The following CD163L1 variants were observed in gnomAD, a reference collection of about 807,000 sequenced individuals.
CD163L1 encodes the protein scavenger receptor cysteine-rich type 1 protein M160.
A neutral mutation model predicts 165.4 loss-of-function variants in CD163L1; 124 were observed. The observed-to-expected ratio is 0.75, with a 90% CI of 0.65 to 0.87. The LOEUF is 0.87. Among genes scored for constraint, CD163L1 ranks in the 40% least tolerant of loss-of-function variants. The pLI is 0.00. For synonymous variants in CD163L1, 585 were observed against 662.2 expected, an observed-to-expected ratio of 0.88 and a Z score of 1.79; for missense variants, 1,525 against 1,799.9, an observed-to-expected ratio of 0.85 and a Z score of 2.76.
At chr12:7,389,238 C>T (rs1272165062) in intron 8 of CD163L1, among the ~76,000 whole-genome samples, 15 of 152,214 alleles carry the variant, frequency 9.9e-5, no homozygotes. Context: ...TTCAAGGGTT[C>T]CCTTTTCTCC....
chr12:7,429,751 C>T (rs1948598982), intron 4 of CD163L1, among the ~76,000 whole-genome samples: 2 of 152,174 alleles, frequency 1.3e-5, no homozygotes, highest in African/African-American at 4.8e-5. Context: ...TCAGGGTCTT[C>T]TTAACTTCTG....
intron 13 of CD163L1, 103 bp from the exon 14 acceptor site, chr12:7,373,743 A>C: frequency 2.1e-6 from 2 of 931,502 alleles, no homozygotes; most frequent in Non-Finnish European, 3.2e-6. Flanking sequence ...ATTAGGGCTC[A>C]CAATACAATT....
the CD163L1 span, chr12:7,320,851 T>C: frequency 6.8e-7 from 1 of 1,468,352 alleles, no homozygotes; most frequent in Non-Finnish European, 9.5e-7. Context: ...ATAGCTACCA[T>C]CCAGGATCAC....
the CD163L1 span, among the ~76,000 whole-genome samples, chr12:7,333,938 A>G: frequency 6.6e-6 from 1 of 152,196 alleles, no homozygotes; most frequent in Non-Finnish European, 1.5e-5. Context: ...AGACTAAACC[A>G]GGAAGAAGTT....
intron 8 of CD163L1, among the ~76,000 whole-genome samples, chr12:7,393,251 T>C (rs1338802723): frequency 6.6e-6 from 1 of 152,192 alleles, no homozygotes; most frequent in Non-Finnish European, 1.5e-5. Context: ...ATCCCTGGGA[T>C]GCCAGGCTGG....
chr12:7,376,035 G>T (rs1291553199), intron 9 of CD163L1, 21 bp from the exon 10 acceptor site: 2 of 1,597,758 alleles, frequency 1.3e-6, no homozygotes, highest in Non-Finnish European at 8.5e-7. Context: ...ATATTTCAAA[G>T]GTTAGTTTTT....
At chr12:7,388,475 G>A (rs1301618908) in intron 8 of CD163L1, among the ~76,000 whole-genome samples, 1 of 152,134 alleles carries the variant, frequency 6.6e-6, no homozygotes, top group Non-Finnish European at 1.5e-5. Context: ...GGACATGGTG[G>A]CTCAAGCCTA....
downstream of CD163L1, among the ~76,000 whole-genome samples, chr12:7,343,174 T>C (rs1049489749): frequency 4.6e-5 from 7 of 152,122 alleles, no homozygotes; most frequent in Non-Finnish European, 1.0e-4. Flanking sequence ...ACTGGAGTTA[T>C]GGAATAGGTT....
At chr12:7,371,709 G>A (rs916043180) in intron 14 of CD163L1, among the ~76,000 whole-genome samples, 1 of 151,782 alleles carries the variant, frequency 6.6e-6, no homozygotes, top group Non-Finnish European at 1.5e-5. Context: ...ACTTAAAATG[G>A]AAAAATAACT....
chr12:7,324,735 C>T, the CD163L1 span: 1 of 893,848 alleles, frequency 1.1e-6, no homozygotes. Flanking sequence ...AAATATAAAT[C>T]AGGCAACCAA....
the CD163L1 span, chr12:7,323,092 A>T: frequency 1.4e-6 from 1 of 730,734 alleles, no homozygotes; most frequent in African/African-American, 1.8e-5. Context: ...TTTGAGAACT[A>T]CTGGTTTCAA....
intron 4 of CD163L1, among the ~76,000 whole-genome samples, chr12:7,348,512 G>A (rs1185507927): frequency 1.3e-5 from 2 of 152,146 alleles, no homozygotes; most frequent in Non-Finnish European, 2.9e-5. Context: ...AACATAGCAT[G>A]CCATTTAGTA....
At chr12:7,418,879 GT>G (rs779345792) in intron 4 of CD163L1, among the ~76,000 whole-genome samples, 33 of 151,964 alleles carry the variant, frequency 2.2e-4, no homozygotes, top group Non-Finnish European at 4.0e-4. Context: ...TATTGAAATG[GT>G]AATTTTTAAA....
At position 7,375,564 on chromosome 12, in the gene CD163L1, T is replaced by C; in HGVS notation, c.2718A>G (p.Lys906=). 1 of 1,613,284 alleles carries C rather than the reference T, an allele frequency of 6.2e-7. No individual in the cohort carries two copies. Among genetic ancestry groups the C allele is most frequent in the East Asian group, 2.2e-5 (1 of 44,882 alleles). The change falls in exon 11 of 20, where the codon AAA becomes AAG. Residue 906 remains lysine, a synonymous_variant. Transcript: ENST00000313599. ...TCTCCACTTGCCCGTCACACTGGGA[T>C]TTGCCATTCACAAGTCGGACATCTG... The part of the protein sequence containing the change: ...RYTDVRLVNG[K]SQCDGQVEIN...
At chr12:7,417,501 G>A (rs1422521500) in intron 4 of CD163L1, among the ~76,000 whole-genome samples, 1 of 152,092 alleles carries the variant, frequency 6.6e-6, no homozygotes, top group African/African-American at 2.4e-5. Flanking sequence ...GTTTTCAAAG[G>A]GGATGTTTCC....
At chr12:7,376,509 GCATTTTTCCAAACTCCTGACT>G in intron 9 of CD163L1, among the ~76,000 whole-genome samples, 1 of 152,068 alleles carries the variant, frequency 6.6e-6, no homozygotes, top group South Asian at 2.1e-4. Context: ...TCCAACCCAG[GCATTTTTCCAAACTCCTGACT>G]CATTTATCCA....
intron 4 of CD163L1, among the ~76,000 whole-genome samples, chr12:7,414,814 C>T (rs1029115138): frequency 2.0e-5 from 3 of 151,948 alleles, no homozygotes; most frequent in African/African-American, 7.2e-5. Flanking sequence ...AGTGAATGTA[C>T]TGGAACAAAA....
At chr12:7,362,554 T>A (rs1202743566) in intron 18 of CD163L1, among the ~76,000 whole-genome samples, 3 of 143,458 alleles carry the variant, frequency 2.1e-5, no homozygotes, top group African/African-American at 7.6e-5. Flanking sequence ...ATATATTATA[T>A]TAATATCATG....
At chr12:7,351,040 T>C (rs1946703520), downstream of CD163L1, among the ~76,000 whole-genome samples, 1 of 152,180 alleles carries the variant, frequency 6.6e-6, no homozygotes, top group South Asian at 2.1e-4. Context: ...TGACTTTTTC[T>C]TCTTATCCAG....
Sources: allele counts gnomAD v4.1 joint callset (sites outside exome capture counted in the v4.1 genomes callset), GRCh38; gene constraint gnomAD v4.1.1; transcripts MANE v1.5; gene names NCBI Gene and HGNC (gene_info 2026-07-23, HGNC 2026-07-21).